The following CAMK2D variants were observed in gnomAD, a reference collection of about 807,000 sequenced individuals.
CAMK2D encodes calcium/calmodulin dependent protein kinase II delta.
In CAMK2D, 37 loss-of-function variants were observed where a neutral mutation model predicts 84.0. The ratio of observed to expected loss-of-function variants is 0.44; its 90% CI spans 0.34 to 0.58. The LOEUF (loss-of-function observed/expected upper bound fraction) is 0.58, where lower values mean the gene tolerates loss of function less well. Among genes scored for constraint, CAMK2D ranks in the 20% least tolerant of loss-of-function variants. The pLI, the probability that CAMK2D is intolerant of heterozygous loss-of-function variation, is 0.02. For synonymous variants in CAMK2D, 202 were observed against 212.5 expected (o/e 0.95, Z 0.43); for missense variants, 448 against 652.5 (o/e 0.69, Z 3.41).
intron 2 of CAMK2D, among the ~76,000 whole-genome samples, chr4:113,699,527 T>C (rs1367096246): frequency 6.6e-6 from 1 of 152,100 alleles, no homozygotes; most frequent in African/African-American, 2.4e-5. Flanking sequence ...CTGCCCCACT[T>C]TCCAGTCACC....
At chr4:113,528,837 G>T (rs2098439216) in intron 8 of CAMK2D, among the ~76,000 whole-genome samples, 1 of 152,086 alleles carries the variant, frequency 6.6e-6, no homozygotes, top group Non-Finnish European at 1.5e-5. Flanking sequence ...TTTATTGCAA[G>T]GAAAATATCT....
At chr4:113,748,468 T>C (rs949745985) in intron 2 of CAMK2D, among the ~76,000 whole-genome samples, 1 of 152,096 alleles carries the variant, frequency 6.6e-6, no homozygotes, top group African/African-American at 2.4e-5. Context: ...TATGAATATT[T>C]CCTAAGAAAC....
intron 3 of CAMK2D, among the ~76,000 whole-genome samples, chr4:113,639,070 T>C (rs1181488084): frequency 6.7e-6 from 1 of 148,154 alleles, no homozygotes; most frequent in Non-Finnish European, 1.5e-5. Context: ...TAGCGAAACT[T>C]TGCCTCTACC....
intron 2 of CAMK2D, among the ~76,000 whole-genome samples, chr4:113,691,545 G>A (rs2099387125): frequency 6.6e-6 from 1 of 152,118 alleles, no homozygotes; most frequent in Non-Finnish European, 1.5e-5. Context: ...TTGAGGTCAG[G>A]GGTTCGAGAC....
chr4:113,540,954 C>T (rs1242453099), intron 6 of CAMK2D, among the ~76,000 whole-genome samples: 3 of 152,152 alleles, frequency 2.0e-5, no homozygotes, highest in African/African-American at 7.2e-5. Context: ...CCCACTGCTT[C>T]CTAATGATGC....
chr4:113,650,209 T>G (rs2099167387), intron 3 of CAMK2D, among the ~76,000 whole-genome samples: 1 of 151,866 alleles, frequency 6.6e-6, no homozygotes, highest in Non-Finnish European at 1.5e-5. Flanking sequence ...GACATAAAAC[T>G]AATCTAATGA....
chr4:113,491,835 T>C, intron 16 of CAMK2D, among the ~76,000 whole-genome samples: 1 of 152,116 alleles, frequency 6.6e-6, no homozygotes, highest in South Asian at 2.1e-4. Context: ...TATTGGTCTA[T>C]TCAGAGATTC....
At chr4:113,676,265 G>A (rs2154330694) in intron 2 of CAMK2D, among the ~76,000 whole-genome samples, 1 of 152,246 alleles carries the variant, frequency 6.6e-6, no homozygotes, top group Non-Finnish European at 1.5e-5. Flanking sequence ...TGTCTCCAGT[G>A]GTCTTCATTT....
intron 2 of CAMK2D, among the ~76,000 whole-genome samples, chr4:113,666,007 T>C (rs1302125702): frequency 1.3e-5 from 2 of 152,224 alleles, no homozygotes; most frequent in African/African-American, 4.8e-5. Flanking sequence ...ACTTACAAAA[T>C]ATTTTATTTC....
intron 3 of CAMK2D, among the ~76,000 whole-genome samples, chr4:113,612,520 C>T (rs982625977): frequency 4.6e-5 from 7 of 152,186 alleles, no homozygotes; most frequent in Non-Finnish European, 1.0e-4. Flanking sequence ...TTGAAGCATA[C>T]TGCACCTCGT....
At chr4:113,642,133 A>G (rs2099134768) in intron 3 of CAMK2D, among the ~76,000 whole-genome samples, 1 of 152,320 alleles carries the variant, frequency 6.6e-6, no homozygotes, top group Admixed American at 6.5e-5. Flanking sequence ...GAAGCTCAAG[A>G]ATCTGCCATT....
At chr4:113,619,192 C>T (rs191611380) in intron 3 of CAMK2D, among the ~76,000 whole-genome samples, 7 of 150,552 alleles carry the variant, frequency 4.6e-5, no homozygotes, top group Non-Finnish European at 8.8e-5. Flanking sequence ...AAAGCAAATC[C>T]TTCTAAATAT....
chr4:113,714,355 C>T (rs1284694533), intron 2 of CAMK2D, among the ~76,000 whole-genome samples: 1 of 152,102 alleles, frequency 6.6e-6, no homozygotes, highest in African/African-American at 2.4e-5. Flanking sequence ...AATTCCGCTG[C>T]TTCTCACTCC....
chr4:113,746,950 CA>C (rs202063823), intron 2 of CAMK2D, among the ~76,000 whole-genome samples: 1,986 of 125,670 alleles, frequency 0.016, 31 homozygotes, highest in African/African-American at 0.047. Context: ...CTACATCAAC[CA>C]AAAAAAAAAA....
chr4:113,585,582 C>A (rs1235771592), intron 4 of CAMK2D, among the ~76,000 whole-genome samples: 2 of 152,046 alleles, frequency 1.3e-5, no homozygotes, highest in African/African-American at 4.8e-5. Flanking sequence ...GAGGAAAACT[C>A]AGTTTCTCTG....
At chr4:113,759,282 T>C (rs570167676) in intron 2 of CAMK2D, 38 bp downstream of exon 2, 2 of 1,290,090 alleles carry the variant, frequency 1.6e-6, no homozygotes, top group African/African-American at 1.5e-5. Context: ...ACATGACAAA[T>C]ACAAAATTAA....
chr4:113,753,089 T>A (rs2099621011), intron 2 of CAMK2D, among the ~76,000 whole-genome samples: 3 of 151,976 alleles, frequency 2.0e-5, no homozygotes, highest in African/African-American at 7.2e-5. Context: ...GAAAACCAGA[T>A]TGAAATCCTG....
At chr4:113,542,196 T>C (rs2098534653) in intron 6 of CAMK2D, among the ~76,000 whole-genome samples, 1 of 152,146 alleles carries the variant, frequency 6.6e-6, no homozygotes, top group South Asian at 2.1e-4. Flanking sequence ...CTCCACTGCC[T>C]GACAAACACT....
intron 2 of CAMK2D, among the ~76,000 whole-genome samples, chr4:113,717,673 G>GTTGAAT (rs1410962953): frequency 1.3e-5 from 2 of 152,064 alleles, no homozygotes; most frequent in African/African-American, 4.8e-5. Context: ...GGTGGAGAGA[G>GTTGAAT]TTGAATTTTC....
Sources: gnomAD v4.1 joint callset for allele counts (sites outside exome capture counted in the v4.1 genomes callset) on GRCh38, gnomAD v4.1.1 for gene constraint, MANE v1.5 for transcripts, NCBI Gene and HGNC (gene_info 2026-07-23, HGNC 2026-07-21) for gene names.